The following AIRIM variants were observed in gnomAD, a reference collection of about 807,000 sequenced individuals.
AIRIM encodes AFG2 interacting ribosome maturation factor.
At chr1:37,690,264 C>A in the AIRIM span, 7 of 1,292,520 alleles carry the variant, frequency 5.4e-6, no homozygotes, top group African/African-American at 1.1e-4. Flanking sequence ...GGATTACAGG[C>A]GTGAGCCACC....
At chr1:37,683,384 T>C in the AIRIM span, 17 of 1,613,966 alleles carry the variant, frequency 1.1e-5, no homozygotes, top group Middle Eastern at 1.6e-4. Context: ...AGCTTGTATG[T>C]TTGCCAAGTC....
At chr1:37,689,148 T>C in the AIRIM span, among the ~76,000 whole-genome samples, 1 of 152,164 alleles carries the variant, frequency 6.6e-6, no homozygotes, top group Non-Finnish European at 1.5e-5. Context: ...TCTACCCTTT[T>C]CTAGCTGCGT....
chr1:37,683,324 A>C, the AIRIM span: 1 of 1,614,190 alleles, frequency 6.2e-7, no homozygotes, highest in Non-Finnish European at 8.5e-7. Flanking sequence ...AGTACCTTGT[A>C]CAAGATCTTG....
the AIRIM span, chr1:37,681,751 G>A: frequency 6.6e-6 from 1 of 151,830 alleles, no homozygotes; most frequent in Non-Finnish European, 1.5e-5. Flanking sequence ...CAAAGATTTG[G>A]GAAAATGCAT....
At chr1:37,690,003 T>G in the AIRIM span, 30 of 1,429,626 alleles carry the variant, frequency 2.1e-5, no homozygotes, top group Non-Finnish European at 2.6e-5. Flanking sequence ...TTGTCTCACC[T>G]CCAGAAGCAG....
chr1:37,686,854 G>T, the AIRIM span, among the ~76,000 whole-genome samples: 1 of 152,068 alleles, frequency 6.6e-6, no homozygotes, highest in Non-Finnish European at 1.5e-5. Context: ...GATCACCTGA[G>T]GTCAGGAGTT....
the AIRIM span, among the ~76,000 whole-genome samples, chr1:37,688,957 C>G: frequency 7.3e-6 from 1 of 137,128 alleles, no homozygotes. Context: ...CAGAGCAAGA[C>G]CCTGTCTCAA....
the AIRIM span, among the ~76,000 whole-genome samples, chr1:37,685,477 T>G: frequency 6.6e-6 from 1 of 151,720 alleles, no homozygotes; most frequent in Non-Finnish European, 1.5e-5. Context: ...CCTCCCCCAG[T>G]TCAAGCAATC....
the AIRIM span, among the ~76,000 whole-genome samples, chr1:37,689,198 C>T: frequency 6.6e-6 from 1 of 152,182 alleles, no homozygotes; most frequent in African/African-American, 2.4e-5. Context: ...TTCCTACCTG[C>T]ATAGAATTAA....
At chr1:37,681,758 G>C in the AIRIM span, 1 of 152,106 alleles carries the variant, frequency 6.6e-6, no homozygotes, top group Non-Finnish European at 1.5e-5. Context: ...TTGGGAAAAT[G>C]CATGTAAAAT....
chr1:37,683,297 A>G, the AIRIM span: 1 of 1,613,692 alleles, frequency 6.2e-7, no homozygotes, highest in Non-Finnish European at 8.5e-7. Flanking sequence ...AGGAGACACA[A>G]AGGAAGAACA....
At chr1:37,681,877 A>T in the AIRIM span, 11 of 152,180 alleles carry the variant, frequency 7.2e-5, no homozygotes, top group Admixed American at 3.3e-4. Context: ...TAGGTTTTTT[A>T]AAAAAAGACA....
chr1:37,687,372 T>C, the AIRIM span, among the ~76,000 whole-genome samples: 2 of 151,518 alleles, frequency 1.3e-5, no homozygotes, highest in African/African-American at 4.9e-5. Flanking sequence ...CCTCAGGTGA[T>C]CCACCTACCT....
the AIRIM span, among the ~76,000 whole-genome samples, chr1:37,687,049 C>T: frequency 1.3e-5 from 2 of 149,456 alleles, no homozygotes; most frequent in Non-Finnish European, 3.0e-5. Flanking sequence ...GAGCGAGACT[C>T]CGTCTCAAAA....
chr1:37,689,456 C>T, the AIRIM span: 1 of 907,484 alleles, frequency 1.1e-6, no homozygotes, highest in Non-Finnish European at 1.6e-6. Context: ...ACCGAGGTCC[C>T]ACTGCCCCAG....
chr1:37,684,081 A>T, the AIRIM span: 1 of 152,406 alleles, frequency 6.6e-6, no homozygotes, highest in Non-Finnish European at 1.5e-5. Context: ...GTCAGCTTAG[A>T]AGGAAAGAAA....
chr1:37,690,319 C>G, the AIRIM span: 1 of 1,290,690 alleles, frequency 7.7e-7, no homozygotes, highest in Non-Finnish European at 1.0e-6. Flanking sequence ...CTGGTTTCCC[C>G]TCGGGAAGGG....
chr1:37,683,151 A>G, the AIRIM span: 1 of 1,612,698 alleles, frequency 6.2e-7, no homozygotes, highest in Non-Finnish European at 8.5e-7. Context: ...GGAAACATTC[A>G]ATAGGATATC....
At chr1:37,683,419 A>G in the AIRIM span, 16 of 1,613,944 alleles carry the variant, frequency 9.9e-6, no homozygotes, top group Non-Finnish European at 1.4e-5. Flanking sequence ...ACGAAAGAAG[A>G]TACTTTCTCT....
Sources: allele counts gnomAD v4.1 joint callset (sites outside exome capture counted in the v4.1 genomes callset), GRCh38; gene constraint gnomAD v4.1.1; transcripts MANE v1.5; gene names NCBI Gene and HGNC (gene_info 2026-07-23, HGNC 2026-07-21).